The following PPM1L variants were observed in gnomAD, a reference collection of about 807,000 sequenced individuals.
PPM1L encodes protein phosphatase 1L.
Under a neutral mutation model 31.4 loss-of-function variants are expected in PPM1L, and 13 were observed. The ratio of observed to expected loss-of-function variants is 0.41; its 90% confidence interval spans 0.27 to 0.66. PPM1L has a LOEUF of 0.66. PPM1L is among the 30% of genes least tolerant of loss of function. The probability of loss-of-function intolerance (pLI) is 0.29; values close to 1 mark genes in which losing one functional copy is unlikely to be tolerated. For missense variants in PPM1L, 326 were observed against 453.7 expected, an observed-to-expected ratio of 0.72 and a Z score of 2.56; for synonymous variants, 184 against 175.4, an observed-to-expected ratio of 1.05 and a Z score of -0.39.
chr3:160,790,440 A>G (rs1560107843), intron 1 of PPM1L, among the ~76,000 whole-genome samples: 1 of 152,148 alleles, frequency 6.6e-6, no homozygotes, highest in East Asian at 1.9e-4. Flanking sequence ...TAAATATATA[A>G]CAAGAGAAAA....
At chr3:160,759,905 C>T (rs1263752027) in intron 1 of PPM1L, among the ~76,000 whole-genome samples, 2 of 152,106 alleles carry the variant, frequency 1.3e-5, no homozygotes, top group Non-Finnish European at 2.9e-5. Flanking sequence ...ATAATAATGC[C>T]TGTAAGGTGC....
chr3:161,027,668 T>A (rs1360657670), intron 2 of PPM1L, among the ~76,000 whole-genome samples: 1 of 152,166 alleles, frequency 6.6e-6, no homozygotes, highest in African/African-American at 2.4e-5. Context: ...AAGATGCGAT[T>A]TGGGTGGCAA....
chr3:160,982,982 G>A (rs775872833), intron 2 of PPM1L, among the ~76,000 whole-genome samples: 33 of 152,174 alleles, frequency 2.2e-4, no homozygotes, highest in Admixed American at 5.9e-4. Flanking sequence ...CTTTTTTCTC[G>A]TTTCAAATTG....
At chr3:160,913,064 A>C (rs1560148860) in intron 1 of PPM1L, among the ~76,000 whole-genome samples, 2 of 152,218 alleles carry the variant, frequency 1.3e-5, no homozygotes, top group Non-Finnish European at 2.9e-5. Context: ...CCCTGTGGAC[A>C]AAATCCATGA....
intron 1 of PPM1L, among the ~76,000 whole-genome samples, chr3:160,806,456 G>A (rs1402558217): frequency 6.6e-6 from 1 of 152,082 alleles, no homozygotes; most frequent in African/African-American, 2.4e-5. Context: ...GGTCTGGAGG[G>A]CAGAGTCTGT....
At chr3:160,954,952 CTTCCTTCCTTTCCT>C (rs1715716623) in intron 1 of PPM1L, among the ~76,000 whole-genome samples, 3 of 69,836 alleles carry the variant, frequency 4.3e-5, no homozygotes, top group East Asian at 6.0e-4. Flanking sequence ...TCCTTCCTTC[CTTCCTTCCTTTCCT>C]TTCCTTTCCT....
chr3:160,876,310 T>A (rs769754670), intron 1 of PPM1L, among the ~76,000 whole-genome samples: 2 of 152,166 alleles, frequency 1.3e-5, no homozygotes, highest in Non-Finnish European at 2.9e-5. Context: ...TGGCTTTGTG[T>A]GTATGTTTGT....
At chr3:161,040,150 T>C (rs2108088442) in intron 2 of PPM1L, among the ~76,000 whole-genome samples, 1 of 152,334 alleles carries the variant, frequency 6.6e-6, no homozygotes, top group South Asian at 2.1e-4. Context: ...ATTAGCTGGC[T>C]AAGTGCTGGT....
At chr3:161,027,109 A>T (rs1576792044) in intron 2 of PPM1L, among the ~76,000 whole-genome samples, 1 of 152,220 alleles carries the variant, frequency 6.6e-6, no homozygotes, top group Non-Finnish European at 1.5e-5. Flanking sequence ...AAGCTAACTG[A>T]TGTTAATCAC....
At chr3:161,045,937 G>A (rs1402047348) in intron 2 of PPM1L, among the ~76,000 whole-genome samples, 10 of 150,658 alleles carry the variant, frequency 6.6e-5, no homozygotes, top group Admixed American at 1.3e-4. Flanking sequence ...CAGTGAAACC[G>A]TTTCTCTATT....
intron 1 of PPM1L, among the ~76,000 whole-genome samples, chr3:160,903,194 G>GTGTGTGTGTGT (rs1553819647): frequency 0.058 from 5,552 of 95,382 alleles, 174 homozygotes; most frequent in Non-Finnish European, 0.076. Context: ...TGTGTGTGTG[G>GTGTGTGTGTGT]TATGTGTGTA....
intron 2 of PPM1L, among the ~76,000 whole-genome samples, chr3:161,006,648 CA>C (rs1454833070): frequency 2.0e-5 from 3 of 150,456 alleles, no homozygotes; most frequent in Non-Finnish European, 4.4e-5. Context: ...GCTTTTATGC[CA>C]TCAAACACTT....
intron 1 of PPM1L, among the ~76,000 whole-genome samples, chr3:160,823,375 T>C (rs1713262906): frequency 6.6e-6 from 1 of 151,674 alleles, no homozygotes; most frequent in Non-Finnish European, 1.5e-5. Flanking sequence ...ATGATTTTTT[T>C]TTTTTTTTTG....
At chr3:160,926,386 G>A (rs1714588538) in intron 1 of PPM1L, among the ~76,000 whole-genome samples, 2 of 152,172 alleles carry the variant, frequency 1.3e-5, no homozygotes, top group African/African-American at 2.4e-5. Context: ...AGACTGCTGT[G>A]TTGATATGAA....
chr3:161,047,500 T>G (rs866042309), intron 2 of PPM1L, among the ~76,000 whole-genome samples: 14 of 152,224 alleles, frequency 9.2e-5, no homozygotes, highest in African/African-American at 1.9e-4. Flanking sequence ...TTGTGAAAAT[T>G]GCCATACTGC....
At chr3:161,065,235 T>A (rs1398621631) in intron 2 of PPM1L, among the ~76,000 whole-genome samples, 168 bp from the exon 3 acceptor site, 2 of 152,198 alleles carry the variant, frequency 1.3e-5, no homozygotes, top group Non-Finnish European at 2.9e-5. Flanking sequence ...ACTGTCAGAT[T>A]TGATCATTGT....
intron 1 of PPM1L, among the ~76,000 whole-genome samples, chr3:160,960,562 G>A (rs576761737): frequency 8.7e-3 from 28 of 3,204 alleles, no homozygotes; most frequent in South Asian, 0.051. Flanking sequence ...GCAGTTTTGT[G>A]TGTGTGTGTG....
intron 1 of PPM1L, among the ~76,000 whole-genome samples, chr3:160,862,662 G>GCACACA (rs6148164): frequency 0.095 from 12,005 of 127,022 alleles, 700 homozygotes; most frequent in Non-Finnish European, 0.11. Flanking sequence ...CTAGGCACAC[G>GCACACA]CACACACACA....
chr3:161,037,302 C>T (rs1718770039), intron 2 of PPM1L, among the ~76,000 whole-genome samples: 1 of 151,806 alleles, frequency 6.6e-6, no homozygotes, highest in Non-Finnish European at 1.5e-5. Flanking sequence ...ACTGCCATGT[C>T]ATGAAGAGAT....
Sources: allele counts gnomAD v4.1 joint callset (sites outside exome capture counted in the v4.1 genomes callset), GRCh38; gene constraint gnomAD v4.1.1; transcripts MANE v1.5; gene names NCBI Gene and HGNC (gene_info 2026-07-23, HGNC 2026-07-21).